Variants in LIG4 observed in about 807,000 individuals in gnomAD.
LIG4 encodes DNA joinase.
A neutral mutation model predicts 19.0 loss-of-function variants in LIG4; 13 were observed. The ratio of observed to expected loss-of-function variants is 0.68; its 90% CI spans 0.44 to 1.09. LIG4 has a LOEUF of 1.09. LIG4 is among the 50% of genes least tolerant of loss of function. The probability of loss-of-function intolerance (pLI) is 0.00; values close to 1 mark genes in which losing one functional copy is unlikely to be tolerated. For synonymous variants in LIG4, 361 were observed against 358.2 expected (o/e 1.01, Z -0.09); for missense variants, 1,026 against 1,089.7 (o/e 0.94, Z 0.82).
Position 108,210,149 on chromosome 13 carries a change from T to C in LIG4, c.1120A>G (p.Asn374Asp). 1 of 1,613,876 alleles carries C rather than the reference T, an allele frequency of 6.2e-7. No individual in the cohort carries two copies. Among genetic ancestry groups the C allele is most frequent in the Non-Finnish European group, 8.5e-7 (1 of 1,179,992 alleles). Residue 374 changes from asparagine to aspartate, a missense_variant, in exon 3 of 3, where the codon AAT becomes GAT. This residue lies in a region of LIG4 where 493 missense variants were observed against 544.5 expected (regional missense o/e 0.91). Coordinates refer to ENST00000442234, the MANE Select transcript of LIG4 (RefSeq NM_206937.2). ...AGAGTCTCATGCCCTAGCTTTTTAT[T>C]ATTAACCATCAATACATCAAAAACA... ...YCVFDVLMVNNKKLGHETLRK... is the reference protein window; with the variant it reads ...YCVFDVLMVNDKKLGHETLRK...
Position 108,209,600 on chromosome 13 carries a change from CAAT to C in LIG4, c.1666_1668del (p.Ile556del). 1 of 1,614,106 alleles carries C rather than the reference CAAT, an allele frequency of 6.2e-7. No homozygotes were observed. Among genetic ancestry groups the C allele is most frequent in the Non-Finnish European group, 8.5e-7 (1 of 1,180,008 alleles). ...ACGATCTCTGCTGCTTTAATCTGAACAATGACAGAATTACAAGGTTCAATGTAT... is the reference window on the plus strand; with the variant it reads ...ACGATCTCTGCTGCTTTAATCTGAACGACAGAATTACAAGGTTCAATGTAT... On this transcript the variant is annotated inframe_deletion, in exon 3 of 3. Coordinates refer to ENST00000442234, the MANE Select transcript of LIG4 (RefSeq NM_206937.2).
At chr13:108,215,786 G>A (rs1173431844), upstream of LIG4, among the ~76,000 whole-genome samples, 2 of 151,902 alleles carry the variant, frequency 1.3e-5, no homozygotes, top group African/African-American at 4.8e-5. Flanking sequence ...TTGTCTCGAG[G>A]GAGACCTAAG....
At chr13:108,215,053 A>G (rs3093739) in intron 1 of LIG4, among the ~76,000 whole-genome samples, 4,990 of 54,330 alleles carry the variant, frequency 0.092, 311 homozygotes, top group East Asian at 0.12. Flanking sequence ...CAGACCCCCA[A>G]TCTGACGCCC....
In LIG4 at chr13:108,210,414, T is replaced by C; in HGVS notation, c.855A>G (p.Gly285=). 6.2e-7 allele frequency: 1 copy of C among 1,613,614 alleles called. No individual in the cohort carries two copies. The highest frequency in any genetic ancestry group is 8.5e-7 in the Non-Finnish European group (1 of 1,179,918). Residue 285 remains glycine, a synonymous_variant, in exon 3 of 3, where the codon GGA becomes GGG. Coordinates refer to ENST00000442234, the MANE Select transcript of LIG4 (RefSeq NM_206937.2). ...DGERMQMHKD[G]DVYKYFSRNG... is the part of the protein sequence containing the mutation. ...TTCGAGAGAAGTATTTATATACATC[T>C]CCATCTTTGTGCATTTGCATACGTT...
At chr13:108,218,057 C>T (rs1209983142), upstream of LIG4, 3 of 152,256 alleles carry the variant, frequency 2.0e-5, no homozygotes, top group African/African-American at 7.2e-5. Context: ...AGTCCACTCT[C>T]GTAGAGGTAA....
In LIG4 at chr13:108,210,265, T is replaced by C. The variant is rs774604168; in HGVS notation, c.1004A>G (p.Tyr335Cys). The part of the protein sequence containing the change: ...ICILDGEMMA[Y>C]NPNTQTFMQK... ...CATGAAAGTTTGTGTATTAGGATTA[T>C]AGGCCATCATCTCACCATCAAGAAT... Residue 335 changes from tyrosine to cysteine, a missense_variant, in exon 3 of 3, where the codon TAT becomes TGT. Around this residue, in one of 3 missense-constraint regions of LIG4, gnomAD observed 493 missense variants for 544.5 expected, o/e 0.91. Coordinates refer to ENST00000442234, the MANE Select transcript of LIG4 (RefSeq NM_206937.2). The C allele has an allele frequency of 9.9e-6, 16 of 1,613,966 alleles. No individual in the cohort carries two copies. The highest frequency in any genetic ancestry group is 2.2e-5 in the South Asian group (2 of 91,072).
chr13:108,209,201 C>T lies in LIG4; in HGVS notation c.2068G>A (p.Val690Ile), dbSNP rs1372565316. The change falls in exon 3 of 3, where the codon GTA becomes ATA. Residue 690 changes from valine to isoleucine, a missense_variant. This residue lies in a region of LIG4 where 521 missense variants were observed against 515.5 expected (regional missense o/e 1.01). Coordinates refer to ENST00000442234, the MANE Select transcript of LIG4 (RefSeq NM_206937.2). Reference protein sequence around the residue: ...NRIAEFGGYIVQNPGPDTYCV... With the variant: ...NRIAEFGGYIIQNPGPDTYCV... ...TACGTGTCTGGGCCTGGATTTTGTA[C>T]TATATAACCACCAAATTCTGCAATT... is the stretch of plus-strand genomic sequence containing the variant. 5 of 1,614,034 alleles carry T rather than the reference C, an allele frequency of 3.1e-6. No individual in the cohort carries two copies. Among genetic ancestry groups the T allele is most frequent in the Non-Finnish European group, 4.2e-6 (5 of 1,180,020 alleles).
At position 108,209,666 on chromosome 13, in the gene LIG4, G is replaced by T. The variant is rs1878388881; in HGVS notation, c.1603C>A (p.Pro535Thr). The part of the protein sequence containing the change: ...YWKPFHRKAP[P>T]SSILCGTEKP... ...TCTGTTCCACATAAAATGCTGCTTG[G>T]TGGAGCTTTTCTATGAAAAGGCTTC... The change falls in exon 3 of 3, where the codon CCA (proline) becomes ACA (threonine). Residue 535 changes from proline to threonine, a missense_variant. Transcript: ENST00000442234. The T allele has an allele frequency of 6.2e-7, 1 of 1,614,100 alleles. No individual in the cohort carries two copies. The highest frequency in any genetic ancestry group is 8.5e-7 in the Non-Finnish European group (1 of 1,180,016).
chr13:108,213,955 C>T (rs971821567), intron 2 of LIG4, among the ~76,000 whole-genome samples: 3 of 151,986 alleles, frequency 2.0e-5, no homozygotes, highest in African/African-American at 4.8e-5. Flanking sequence ...AAAATATTAA[C>T]GAGATAAAAA....
In LIG4 at chr13:108,210,004, A is replaced by G. The variant is rs760428956; in HGVS notation, c.1265T>C (p.Ile422Thr). 2 of 1,612,032 alleles carry G rather than the reference A, an allele frequency of 1.2e-6. No homozygotes were observed. Among genetic ancestry groups the G allele is most frequent in the Middle Eastern group, 1.6e-4 (1 of 6,062 alleles). The change falls in exon 3 of 3, where the codon ATA (isoleucine) becomes ACA (threonine). Residue 422 changes from isoleucine to threonine, a missense_variant. By Grantham distance (89) the Ile-to-Thr change is moderately conservative. Coordinates refer to ENST00000442234, the MANE Select transcript of LIG4 (RefSeq NM_206937.2). ...NEVIDALNEAIDKREEGIMVK... is the reference protein window; with the variant it reads ...NEVIDALNEATDKREEGIMVK... ...CATAATTCCCTCTTCTCTTTTATCT[A>G]TTGCTTCATTCAATGCATCAATTAC...
Position 108,209,117 on chromosome 13 carries a change from G to A in LIG4, c.2152C>T (p.His718Tyr). The change falls in exon 3 of 3, where the codon CAT (histidine) becomes TAT (tyrosine). Residue 718 changes from histidine (H) to tyrosine (Y), a missense_variant. His to Tyr is a moderately conservative substitution (Grantham distance 83). Coordinates refer to ENST00000442234, the MANE Select transcript of LIG4 (RefSeq NM_206937.2). Reference sequence around the variant, plus strand: ...AGCCATGCAGGCTTGACAACATCATGTTTATTTGACAAAATTATGTTTTTC... The same window carrying A: ...AGCCATGCAGGCTTGACAACATCATATTTATTTGACAAAATTATGTTTTTC... The part of the protein sequence containing the change: ...RVKNIILSNK[H>Y]DVVKPAWLLE... 1.2e-6 allele frequency: 2 copies of A among 1,614,122 alleles called. No individual in the cohort carries two copies. The highest frequency in any genetic ancestry group is 1.7e-6 in the Non-Finnish European group (2 of 1,179,990).
intron 2 of LIG4, among the ~76,000 whole-genome samples, chr13:108,213,699 ACT>A (rs1446333937): frequency 3.3e-5 from 5 of 152,116 alleles, no homozygotes; most frequent in African/African-American, 1.2e-4. Flanking sequence ...CAGGTTTTAG[ACT>A]CTAATAAATC....
chr13:108,209,085 T>C lies in LIG4; in HGVS notation c.2184A>G (p.Glu728=). The C allele has an allele frequency of 6.2e-7, 1 of 1,614,018 alleles. No homozygotes were observed. The highest frequency in any genetic ancestry group is 2.2e-5 in the East Asian group (1 of 44,900). The change falls in exon 3 of 3, where the codon GAA becomes GAG. Residue 728 remains glutamate (E), a synonymous_variant. Transcript: ENST00000442234. ...HDVVKPAWLL[E]CFKTKSFVPW... ...GTACAAAGCTTTTGGTCTTAAAACA[T>C]TCTAAAAGCCATGCAGGCTTGACAA... is the stretch of plus-strand genomic sequence containing the variant.
chr13:108,212,433 G>C (rs1878765260), intron 2 of LIG4, among the ~76,000 whole-genome samples: 1 of 152,196 alleles, frequency 6.6e-6, no homozygotes, highest in East Asian at 1.9e-4. Flanking sequence ...AGTTCTACTG[G>C]AAGATAAATA....
intron 2 of LIG4, among the ~76,000 whole-genome samples, chr13:108,213,702 C>A (rs1878907768): frequency 6.6e-6 from 1 of 152,116 alleles, no homozygotes. Flanking sequence ...GTTTTAGACT[C>A]TAATAAATCT....
upstream of LIG4, among the ~76,000 whole-genome samples, chr13:108,217,593 A>G (rs1879374413): frequency 6.6e-6 from 1 of 151,368 alleles, no homozygotes; most frequent in African/African-American, 2.4e-5. Flanking sequence ...GCTAGGTCAG[A>G]GGCTGAGGCG....
At position 108,208,363 on chromosome 13, in the gene LIG4, T is replaced by C. The variant is rs751588140; in HGVS notation, c.*170A>G. ...ATTTTTCTTTCTTGGCTTTGGGCTA[T>C]TGTCTTTTCAACCTTAAAAGTTAAA... On this transcript the variant is annotated 3_prime_UTR_variant, in exon 3 of 3. Transcript: ENST00000442234. 2.6e-5 allele frequency: 15 copies of C among 573,880 alleles called. No individual in the cohort carries two copies. The highest frequency in any genetic ancestry group is 4.0e-5 in the Non-Finnish European group (13 of 327,838). 35.5% of individuals were successfully genotyped at this position (573,880 alleles called of 1,614,324 possible). A position where few individuals can be genotyped will look rare whatever the true frequency, so the allele number is the denominator to read the frequency against.
At chr13:108,214,674 G>A (rs1001511452) in intron 1 of LIG4, 64 bp from the exon 2 acceptor site, 1 of 152,106 alleles carries the variant, frequency 6.6e-6, no homozygotes, top group Admixed American at 6.5e-5. Context: ...ACAGTTCCAG[G>A]GAGTCAAAAA....
chr13:108,217,738 CT>C (rs1323476848), upstream of LIG4, among the ~76,000 whole-genome samples: 1 of 151,832 alleles, frequency 6.6e-6, no homozygotes, highest in Non-Finnish European at 1.5e-5. Flanking sequence ...ATGAAATATC[CT>C]CTGTATATAT....
Sources: allele counts gnomAD v4.1 joint callset (sites outside exome capture counted in the v4.1 genomes callset), GRCh38; gene constraint gnomAD v4.1.1; regional missense constraint gnomAD v4.1.1; transcripts MANE v1.5; gene names NCBI Gene and HGNC (gene_info 2026-07-23, HGNC 2026-07-21).